SHANK2: variants seen among roughly 807,000 people sequenced by gnomAD.
The protein encoded by SHANK2 is SH3 and multiple ankyrin repeat domains 2, also known as SH3 and multiple ankyrin repeat domains protein 2.
In SHANK2, 43 loss-of-function variants were observed where a neutral mutation model predicts 133.7. The ratio of observed to expected loss-of-function variants is 0.32; its 90% CI spans 0.25 to 0.41. SHANK2 has a LOEUF of 0.41. Among genes scored for constraint, SHANK2 ranks in the 10% least tolerant of loss-of-function variants. SHANK2 has a pLI of 1.00. For missense variants in SHANK2, 1,994 were observed against 2,235.8 expected, an observed-to-expected ratio of 0.89 and a Z score of 2.18; for synonymous variants, 1,017 against 952.8, an observed-to-expected ratio of 1.07 and a Z score of -1.24.
At chr11:70,531,920 A>T (rs1393129347) in intron 17 of SHANK2, among the ~76,000 whole-genome samples, 2 of 152,148 alleles carry the variant, frequency 1.3e-5, no homozygotes, top group Non-Finnish European at 2.9e-5. Flanking sequence ...CGGAGCTGAC[A>T]GTAGGGACCA....
At chr11:70,593,715 T>A (rs2060359960) in intron 17 of SHANK2, among the ~76,000 whole-genome samples, 1 of 152,182 alleles carries the variant, frequency 6.6e-6, no homozygotes, top group African/African-American at 2.4e-5. Flanking sequence ...CAGGTTACAT[T>A]CCTGACTTTG....
chr11:70,546,749 G>A (rs556866191), intron 17 of SHANK2, among the ~76,000 whole-genome samples: 3 of 152,316 alleles, frequency 2.0e-5, no homozygotes, highest in East Asian at 3.9e-4. Flanking sequence ...TGGGAACAAG[G>A]GGGAACAATG....
At chr11:71,137,448 T>A (rs1555104982) in intron 3 of SHANK2, among the ~76,000 whole-genome samples, 1 of 151,628 alleles carries the variant, frequency 6.6e-6, no homozygotes, top group African/African-American at 2.4e-5. Context: ...ACAGAGAAGG[T>A]ATGGAGGGGG....
chr11:70,509,015 G>T (rs906595472), intron 17 of SHANK2, among the ~76,000 whole-genome samples: 30 of 152,308 alleles, frequency 2.0e-4, no homozygotes, highest in Admixed American at 5.9e-4. Flanking sequence ...AGCTCCTATG[G>T]GAGAGGCCTG....
intron 2 of SHANK2, among the ~76,000 whole-genome samples, chr11:71,190,529 C>T (rs1953771537): frequency 6.6e-6 from 1 of 151,968 alleles, no homozygotes; most frequent in Admixed American, 6.6e-5. Flanking sequence ...AAAATGAGGC[C>T]TTGGAACCAA....
At chr11:70,914,751 C>T (rs1308440675) in intron 10 of SHANK2, among the ~76,000 whole-genome samples, 2 of 121,224 alleles carry the variant, frequency 1.6e-5, no homozygotes, top group Non-Finnish European at 3.7e-5. Flanking sequence ...ATTAGCCCAG[C>T]GTGGTAGCGC....
At chr11:70,521,172 CTCTT>C (rs1164224949) in intron 17 of SHANK2, among the ~76,000 whole-genome samples, 3 of 152,188 alleles carry the variant, frequency 2.0e-5, no homozygotes, top group Admixed American at 1.3e-4. Flanking sequence ...ATATTGGTGT[CTCTT>C]TCTCTTTGCT....
intron 14 of SHANK2, among the ~76,000 whole-genome samples, chr11:70,703,920 G>T (rs1555024348): frequency 6.6e-6 from 1 of 152,234 alleles, no homozygotes; most frequent in Non-Finnish European, 1.5e-5. Flanking sequence ...TGACTGCCCA[G>T]CCCTGGGCTC....
chr11:71,189,355 G>C (rs935812227), intron 2 of SHANK2, among the ~76,000 whole-genome samples: 5 of 152,144 alleles, frequency 3.3e-5, no homozygotes, highest in Non-Finnish European at 7.3e-5. Flanking sequence ...CCAAACCTCA[G>C]AGAGTTTCTC....
chr11:70,880,997 C>A (rs551336645), intron 11 of SHANK2, among the ~76,000 whole-genome samples: 2 of 152,180 alleles, frequency 1.3e-5, no homozygotes, highest in Non-Finnish European at 2.9e-5. Context: ...TTTGGGCATC[C>A]CAACCCTGAA....
At chr11:71,147,078 C>T (rs1555106824) in intron 3 of SHANK2, 42 bp downstream of exon 3, 2 of 1,492,334 alleles carry the variant, frequency 1.3e-6, no homozygotes, top group East Asian at 2.5e-5. Context: ...CCACAGGTGA[C>T]ATTGTCCAGA....
chr11:70,662,043 G>GGCGGCGGCA (rs1369049504), intron 15 of SHANK2: 25 of 516,084 alleles, frequency 4.8e-5, no homozygotes, highest in African/African-American at 9.7e-5. Flanking sequence ...CCCGAACGGC[G>GGCGGCGGCA]GCGGCGGCAG....
At chr11:70,711,381 G>T (rs1403943704) in intron 14 of SHANK2, among the ~76,000 whole-genome samples, 2 of 152,248 alleles carry the variant, frequency 1.3e-5, no homozygotes, top group Admixed American at 1.3e-4. Flanking sequence ...ATCAGACGCC[G>T]CTCAGGCTGT....
At chr11:70,855,939 A>G (rs1284595630) in intron 11 of SHANK2, among the ~76,000 whole-genome samples, 1 of 152,162 alleles carries the variant, frequency 6.6e-6, no homozygotes, top group Admixed American at 6.5e-5. Flanking sequence ...GGATAGAGAG[A>G]TGGAAGGATG....
At position 71,082,072 on chromosome 11, in the gene SHANK2, C is replaced by G. The variant is rs1435162359; in HGVS notation, c.913-6797G>C. On this transcript the variant is annotated intron_variant, in intron 8 of 25. Coordinates refer to ENST00000601538, the MANE Select transcript of SHANK2 (RefSeq NM_012309.5). ...AGGGCCAGAACCCTGTTCACAATGT[C>G]CCCCCGGAGCCAATGCATGCCAGCT... Among the ~76,000 whole-genome samples, 8 of 151,340 alleles carry G rather than the reference C, an allele frequency of 5.3e-5. 1 individual carries two copies.
chr11:71,090,172 C>CTGTGTGTGTGTGTGTGTG, intron 8 of SHANK2, among the ~76,000 whole-genome samples: 1 of 87,302 alleles, frequency 1.1e-5, no homozygotes, highest in African/African-American at 5.4e-5. Flanking sequence ...GAAACACAAC[C>CTGTGTGTGTGTGTGTGTG]TGTGTGTGTG....
chr11:70,791,689 T>G (rs782647810), intron 14 of SHANK2, among the ~76,000 whole-genome samples: 10 of 152,198 alleles, frequency 6.6e-5, no homozygotes, highest in Non-Finnish European at 7.3e-5. Flanking sequence ...GATTAATCAC[T>G]GGCAGTCACA....
intron 2 of SHANK2, among the ~76,000 whole-genome samples, chr11:71,216,036 C>T (rs975527879): frequency 3.1e-4 from 4 of 13,044 alleles, no homozygotes; most frequent in Admixed American, 8.8e-4. Flanking sequence ...GGAGGTCCAA[C>T]GGCGCAGCCA....
chr11:70,931,676 G>C (rs1477467127), intron 10 of SHANK2, among the ~76,000 whole-genome samples: 3 of 152,198 alleles, frequency 2.0e-5, no homozygotes, highest in Non-Finnish European at 4.4e-5. Context: ...AAGGTGTCTG[G>C]ATGCCAAGGA....
Sources: allele counts gnomAD v4.1 joint callset (sites outside exome capture counted in the v4.1 genomes callset), GRCh38; gene constraint gnomAD v4.1.1; transcripts MANE v1.5; gene names NCBI Gene and HGNC (gene_info 2026-07-23, HGNC 2026-07-21).